Variants in MACROD2 observed in about 807,000 individuals in gnomAD.
MACROD2 encodes the protein ADP-ribose glycohydrolase MACROD2.
MACROD2 carries 36 observed loss-of-function variants against 70.4 expected under a neutral mutation model. That is an observed-to-expected ratio of 0.51 (90% CI 0.39 to 0.68). MACROD2 has a LOEUF of 0.68. Ranked by LOEUF, MACROD2 falls within the 30% of genes least tolerant of loss-of-function variation. The probability of loss-of-function intolerance (pLI) is 0.00; values close to 1 mark genes in which losing one functional copy is unlikely to be tolerated. For synonymous variants in MACROD2, 172 were observed against 178.8 expected (o/e 0.96, Z 0.30); for missense variants, 496 against 538.4 (o/e 0.92, Z 0.78).
chr20:14,491,870 A>G (rs968959435), intron 3 of MACROD2, among the ~76,000 whole-genome samples: 9 of 152,188 alleles, frequency 5.9e-5, no homozygotes, highest in African/African-American at 2.2e-4. Flanking sequence ...TGGAAAACCT[A>G]TAGATAGGGA....
chr20:15,602,522 A>T (rs1400037963), intron 8 of MACROD2, among the ~76,000 whole-genome samples: 2 of 152,160 alleles, frequency 1.3e-5, no homozygotes, highest in Non-Finnish European at 2.9e-5. Context: ...TTCAGTAGCT[A>T]CTTCAGTTTG....
chr20:14,584,443 G>A (rs1981239489), intron 4 of MACROD2, among the ~76,000 whole-genome samples: 1 of 152,102 alleles, frequency 6.6e-6, no homozygotes, highest in South Asian at 2.1e-4. Context: ...CAAGATCAAG[G>A]TGTGGGCCAA....
rs571585480 is a variant in MACROD2, at chr20:15,814,367, T to C, written c.646-48378T>C. Among the ~76,000 whole-genome samples, 4 of 152,328 alleles carry C rather than the reference T, an allele frequency of 2.6e-5. No homozygotes were observed. The East Asian group carries it at 7.7e-4, about 29-fold the overall frequency. On this transcript the variant is annotated intron_variant, in intron 8 of 17. Transcript: ENST00000684519. ...ACCTTTCCCTCAATCAGTGATTCTC[T>C]AGTGTATCAATACCCCAGCTCCCCT...
intron 5 of MACROD2, among the ~76,000 whole-genome samples, chr20:14,941,841 T>C (rs2074392696): frequency 6.6e-6 from 1 of 151,928 alleles, no homozygotes; most frequent in Non-Finnish European, 1.5e-5. Context: ...TGGAATGTAG[T>C]GGTGCGACCA....
chr20:15,477,099 G>T (rs368290639), intron 7 of MACROD2, among the ~76,000 whole-genome samples: 54 of 115,368 alleles, frequency 4.7e-4, no homozygotes, highest in South Asian at 8.3e-4. Flanking sequence ...TCTATTTTTA[G>T]TTTTTTTTTT....
chr20:14,596,125 G>A (rs1321222578), intron 4 of MACROD2, among the ~76,000 whole-genome samples: 1 of 151,326 alleles, frequency 6.6e-6, no homozygotes, highest in Non-Finnish European at 1.5e-5. Flanking sequence ...GCCCTCTGTG[G>A]CCCAGGCTGG....
chr20:15,417,428 G>GAAT (rs958130518), intron 6 of MACROD2, among the ~76,000 whole-genome samples: 2 of 150,906 alleles, frequency 1.3e-5, no homozygotes, highest in East Asian at 1.9e-4. Flanking sequence ...TCATCCCTAT[G>GAAT]AATAATAATA....
At chr20:14,065,418 T>C (rs1181441713) in intron 2 of MACROD2, among the ~76,000 whole-genome samples, 1 of 152,172 alleles carries the variant, frequency 6.6e-6, no homozygotes, top group African/African-American at 2.4e-5. Flanking sequence ...CTTGGTTGAG[T>C]CATCTCTGGC....
chr20:15,726,356 C>T (rs1406646971), intron 8 of MACROD2, among the ~76,000 whole-genome samples: 4 of 152,118 alleles, frequency 2.6e-5, no homozygotes, highest in Non-Finnish European at 4.4e-5. Context: ...GTTAAGGTTT[C>T]ATGTCTTTCT....
At chr20:14,520,579 A>G (rs1399130745) in intron 4 of MACROD2, among the ~76,000 whole-genome samples, 1 of 151,760 alleles carries the variant, frequency 6.6e-6, no homozygotes, top group Non-Finnish European at 1.5e-5. Flanking sequence ...CAATCTACAT[A>G]CTAATCCACA....
intron 8 of MACROD2, among the ~76,000 whole-genome samples, chr20:15,729,044 T>C (rs2050905043): frequency 6.6e-6 from 1 of 152,176 alleles, no homozygotes; most frequent in Non-Finnish European, 1.5e-5. Flanking sequence ...TTCTTAACAT[T>C]ACTTCAGCTA....
rs140555397 is a variant in MACROD2, at chr20:15,207,032, G to A, written c.419-22908G>A. Among the ~76,000 whole-genome samples, 167 of 152,120 alleles carry A rather than the reference G, an allele frequency of 1.1e-3. 2 individuals carry two copies. The highest frequency in any genetic ancestry group is 3.5e-3 in the African/African-American group (144 of 41,490). On this transcript the variant is annotated intron_variant, in intron 5 of 17. Coordinates refer to ENST00000684519, the MANE Select transcript of MACROD2 (RefSeq NM_001351661.2). ...ATTACAGGCGTGAGCCACCGCGCCC[G>A]GCCCATATTATCTATGTTGTCACAT...
chr20:14,943,320 G>A (rs928979021), intron 5 of MACROD2, among the ~76,000 whole-genome samples: 12 of 151,942 alleles, frequency 7.9e-5, no homozygotes, highest in Non-Finnish European at 1.8e-4. Context: ...AGCAAGTTGA[G>A]CAACATACCT....
intron 6 of MACROD2, among the ~76,000 whole-genome samples, chr20:15,244,694 G>C (rs2077090532): frequency 6.6e-6 from 1 of 152,112 alleles, no homozygotes; most frequent in African/African-American, 2.4e-5. Context: ...AGATCTCAGG[G>C]TCTGATTTTA....
intron 4 of MACROD2, among the ~76,000 whole-genome samples, chr20:14,542,607 A>T (rs553214166): frequency 6.6e-6 from 1 of 152,320 alleles, no homozygotes; most frequent in East Asian, 1.9e-4. Context: ...AATCATATGC[A>T]TGCAAAAGTA....
chr20:14,396,432 A>T (rs2083580055), intron 3 of MACROD2, among the ~76,000 whole-genome samples: 1 of 152,166 alleles, frequency 6.6e-6, no homozygotes, highest in Non-Finnish European at 1.5e-5. Context: ...TCTCCTTTTG[A>T]TGAATGAATC....
intron 5 of MACROD2, among the ~76,000 whole-genome samples, chr20:14,788,309 G>T (rs1444353877): frequency 2.0e-5 from 3 of 152,040 alleles, no homozygotes; most frequent in Admixed American, 2.0e-4. Flanking sequence ...CTGTGGCCCG[G>T]TGCGGTGGCT....
intron 5 of MACROD2, among the ~76,000 whole-genome samples, chr20:14,907,472 T>C (rs1006522812): frequency 1.3e-5 from 2 of 152,198 alleles, no homozygotes; most frequent in African/African-American, 2.4e-5. Flanking sequence ...CAGTAAGTGA[T>C]AGAATAGAGC....
At chr20:15,236,012 A>C (rs945679615) in intron 6 of MACROD2, among the ~76,000 whole-genome samples, 7 of 152,200 alleles carry the variant, frequency 4.6e-5, no homozygotes, top group African/African-American at 1.7e-4. Context: ...CAGCTGTGTG[A>C]CTAACAATAC....
Sources: allele counts gnomAD v4.1 joint callset (sites outside exome capture counted in the v4.1 genomes callset), GRCh38; gene constraint gnomAD v4.1.1; transcripts MANE v1.5; gene names NCBI Gene and HGNC (gene_info 2026-07-23, HGNC 2026-07-21).